NMI: variants seen among roughly 807,000 people sequenced by gnomAD.
NMI encodes the protein N-myc and STAT interactor, also known as N-myc-interactor.
A neutral mutation model predicts 34.3 loss-of-function variants in NMI; 39 were observed. The ratio of observed to expected loss-of-function variants is 1.14; its 90% CI spans 0.88 to 1.49. The LOEUF is 1.49. Ranked by LOEUF, NMI falls within the 40% of genes most tolerant of loss-of-function variation. The probability of loss-of-function intolerance (pLI) is 0.00; values close to 1 mark genes in which losing one functional copy is unlikely to be tolerated. For missense variants in NMI, 339 were observed against 358.1 expected (o/e 0.95, Z 0.43); for synonymous variants, 113 against 120.3 (o/e 0.94, Z 0.40).
At position 151,274,321 on chromosome 2, in the gene NMI, C is replaced by T. The variant is rs555741733; in HGVS notation, c.634+1163G>A. On this transcript the variant is annotated intron_variant, in intron 6 of 7. Coordinates refer to ENST00000243346, the MANE Select transcript of NMI (RefSeq NM_004688.3). ...TAGTGCCACTGCACTCCAGCCCGGG[C>T]GACAGAGCAAGACTCTGTCTCACAA... is the stretch of plus-strand genomic sequence containing the variant. 1.7e-3 allele frequency among the ~76,000 whole-genome samples: 191 copies of T among 114,066 alleles called. 1 individual carries two copies. Among genetic ancestry groups the T allele is most frequent in the African/African-American group, 6.3e-3 (183 of 28,842 alleles). The allele number at this position is 114,066 out of a possible 152,430, so 74.8% of individuals were successfully genotyped here.
chr2:151,272,209 A>C (rs1302893490), intron 6 of NMI, among the ~76,000 whole-genome samples: 1 of 152,258 alleles, frequency 6.6e-6, no homozygotes, highest in Non-Finnish European at 1.5e-5. Flanking sequence ...CATCTAGAAA[A>C]ACTGAAAGGA....
chr2:151,275,841 T>C lies in NMI; in HGVS notation c.364A>G (p.Ser122Gly), dbSNP rs755341104. 3.7e-6 allele frequency: 6 copies of C among 1,602,952 alleles called. No individual in the cohort carries two copies. The highest frequency in any genetic ancestry group is 8.5e-7 in the Non-Finnish European group (1 of 1,175,122). ...TCTTTTATCTGTACATGATGTTTAC[T>C]CATGCTTACCACATTTTGAGCAACT... ...EEVAQNVVSM[S>G]KHHVQIKDVN... Residue 122 changes from serine (S) to glycine (G), a missense_variant, in exon 5 of 8, where the codon AGT (serine) becomes GGT (glycine). Ser to Gly is a moderately conservative substitution (Grantham distance 56). Transcript: ENST00000243346.
intron 6 of NMI, among the ~76,000 whole-genome samples, chr2:151,273,821 C>T (rs1683232306): frequency 6.6e-6 from 1 of 152,154 alleles, no homozygotes; most frequent in Admixed American, 6.5e-5. Context: ...TGCGCCTGGC[C>T]AGATTTTTTA....
intron 1 of NMI, among the ~76,000 whole-genome samples, chr2:151,285,690 T>C (rs887040422): frequency 2.4e-4 from 37 of 151,838 alleles, no homozygotes; most frequent in African/African-American, 6.3e-4. Context: ...GGAGAGCAGA[T>C]ACAACCACAA....
intron 1 of NMI, among the ~76,000 whole-genome samples, chr2:151,287,854 T>C (rs561642560): frequency 6.6e-6 from 1 of 152,306 alleles, no homozygotes; most frequent in South Asian, 2.1e-4. Context: ...TTGACTTAAG[T>C]ATTTGTTGTA....
At chr2:151,288,072 G>T (rs1683535969) in intron 1 of NMI, among the ~76,000 whole-genome samples, 1 of 152,170 alleles carries the variant, frequency 6.6e-6, no homozygotes, top group Non-Finnish European at 1.5e-5. Flanking sequence ...TTTGCTCTAT[G>T]CATGAGTGGG....
chr2:151,279,138 T>G lies in NMI; in HGVS notation c.178-148A>C, dbSNP rs1281011338. 21 of 581,040 alleles carry G rather than the reference T, an allele frequency of 3.6e-5. No individual in the cohort carries two copies. The East Asian group carries it at 5.7e-4, about 16-fold the overall frequency. The allele number at this position is 581,040 out of a possible 1,614,324, so 36.0% of individuals were successfully genotyped here. ...TTGAGTATGGTCTTATTTAACATTT[T>G]TAGTAATTGCTTTTTCCCATGTAAG... On this transcript the variant is annotated intron_variant, in intron 3 of 7. Coordinates refer to ENST00000243346, the MANE Select transcript of NMI (RefSeq NM_004688.3).
intron 3 of NMI, 146 bp downstream of exon 3, chr2:151,281,802 G>A (rs549624997): frequency 1.6e-6 from 1 of 632,344 alleles, no homozygotes; most frequent in Non-Finnish European, 2.8e-6. Context: ...GGAATCATTG[G>A]GTTGTTTTCC....
intron 1 of NMI, among the ~76,000 whole-genome samples, chr2:151,286,798 C>A (rs1683506623): frequency 1.3e-5 from 2 of 152,112 alleles, no homozygotes; most frequent in Admixed American, 1.3e-4. Context: ...ATTTACTAAC[C>A]CCCTATAATC....
At chr2:151,286,189 T>G (rs1683492316) in intron 1 of NMI, among the ~76,000 whole-genome samples, 1 of 152,202 alleles carries the variant, frequency 6.6e-6, no homozygotes, top group African/African-American at 2.4e-5. Context: ...TGTAACATAT[T>G]ACAAGGTGCA....
chr2:151,280,149 C>A (rs998330888), intron 3 of NMI, among the ~76,000 whole-genome samples: 3 of 148,284 alleles, frequency 2.0e-5, no homozygotes, highest in African/African-American at 7.6e-5. Flanking sequence ...GAACCGAGAT[C>A]GCACCATTGC....
intron 1 of NMI, among the ~76,000 whole-genome samples, chr2:151,287,464 A>G (rs1683523802): frequency 6.6e-6 from 1 of 152,022 alleles, no homozygotes; most frequent in South Asian, 2.1e-4. Context: ...TATTTAGTCA[A>G]TTCCTCAACC....
rs2105200751 is a variant in NMI, at chr2:151,271,611, C to T, written c.741+15G>A. ...GCAGTGAGTTCTGAAAATGAGAGAACAGAGATGACTTTACCTGATACTTTT... is the reference window on the plus strand; with the variant it reads ...GCAGTGAGTTCTGAAAATGAGAGAATAGAGATGACTTTACCTGATACTTTT... On this transcript the variant is annotated intron_variant, in intron 7 of 7. Coordinates refer to ENST00000243346, the MANE Select transcript of NMI (RefSeq NM_004688.3). The T allele has an allele frequency of 7.7e-7, 1 of 1,291,228 alleles. No homozygotes were observed. Among genetic ancestry groups the T allele is most frequent in the Non-Finnish European group, 1.1e-6 (1 of 890,162 alleles). The allele number at this position is 1,291,228 out of a possible 1,614,324, so 80.0% of individuals were successfully genotyped here.
chr2:151,271,192 A>G (rs151146239), intron 7 of NMI, among the ~76,000 whole-genome samples: 1 of 152,308 alleles, frequency 6.6e-6, no homozygotes, highest in African/African-American at 2.4e-5. Flanking sequence ...AGAGTTAAGT[A>G]TGAGTTCTAG....
chr2:151,283,458 A>C (rs1683443797), intron 1 of NMI, among the ~76,000 whole-genome samples: 1 of 152,116 alleles, frequency 6.6e-6, no homozygotes, highest in Non-Finnish European at 1.5e-5. Context: ...AATAACTTTC[A>C]CACCTATAAT....
chr2:151,284,421 C>T (rs926803572), intron 1 of NMI, among the ~76,000 whole-genome samples: 6 of 152,080 alleles, frequency 3.9e-5, no homozygotes, highest in African/African-American at 1.2e-4. Context: ...ACCTCAGCCC[C>T]CCAAGTAGTT....
At chr2:151,283,005 T>C in intron 1 of NMI, 51 bp from the exon 2 acceptor site, 1 of 890,928 alleles carries the variant, frequency 1.1e-6, no homozygotes, top group South Asian at 2.3e-5. Flanking sequence ...TACACAAATT[T>C]AAGAACAAAG....
chr2:151,274,675 A>G (rs1451086823), intron 6 of NMI, among the ~76,000 whole-genome samples: 1 of 151,052 alleles, frequency 6.6e-6, no homozygotes, highest in Non-Finnish European at 1.5e-5. Context: ...ACGGGGTTTC[A>G]CCATGTTAGT....
intron 3 of NMI, among the ~76,000 whole-genome samples, chr2:151,279,398 T>C (rs867203090): frequency 6.6e-6 from 1 of 152,176 alleles, no homozygotes; most frequent in African/African-American, 2.4e-5. Context: ...GTATGAAATA[T>C]AGTGTTGGGT....
Sources: allele counts gnomAD v4.1 joint callset (sites outside exome capture counted in the v4.1 genomes callset), GRCh38; gene constraint gnomAD v4.1.1; transcripts MANE v1.5; gene names NCBI Gene and HGNC (gene_info 2026-07-23, HGNC 2026-07-21).